Variants in AFG2A observed in about 807,000 individuals in gnomAD.
AFG2A encodes the protein ATPase family gene 2 protein homolog A.
At chr4:123,304,037 C>T in the AFG2A span, among the ~76,000 whole-genome samples, 1 of 151,986 alleles carries the variant, frequency 6.6e-6, no homozygotes, top group Non-Finnish European at 1.5e-5. Context: ...CTACTCTACT[C>T]ACCGCTTAAA....
the AFG2A span, among the ~76,000 whole-genome samples, chr4:123,251,790 AG>A: frequency 6.6e-6 from 1 of 152,128 alleles, no homozygotes; most frequent in Admixed American, 6.6e-5. Flanking sequence ...ATACATTTTA[AG>A]GTGTACAGAA....
At chr4:122,979,270 A>T in the AFG2A span, 1 of 1,614,224 alleles carries the variant, frequency 6.2e-7, no homozygotes, top group Non-Finnish European at 8.5e-7. Context: ...AAAACAGCCT[A>T]ACCTCCCTGA....
At chr4:123,056,161 T>C in the AFG2A span, among the ~76,000 whole-genome samples, 4 of 152,228 alleles carry the variant, frequency 2.6e-5, no homozygotes, top group Non-Finnish European at 5.9e-5. Context: ...TAAAATATTA[T>C]GATTAGTCAC....
At chr4:123,005,334 A>AG in the AFG2A span, among the ~76,000 whole-genome samples, 1 of 152,018 alleles carries the variant, frequency 6.6e-6, no homozygotes, top group Admixed American at 6.6e-5. Context: ...TATTTTTAGT[A>AG]GGGAAGGGTT....
the AFG2A span, chr4:123,090,472 A>G: frequency 5.0e-5 from 64 of 1,278,084 alleles, no homozygotes; most frequent in East Asian, 2.3e-4. Flanking sequence ...ATATTTGAAA[A>G]TAGACATGAT....
chr4:123,096,559 A>C, the AFG2A span, among the ~76,000 whole-genome samples: 2 of 152,060 alleles, frequency 1.3e-5, no homozygotes, highest in Admixed American at 6.6e-5. Context: ...GCATGCCTCA[A>C]AATAGTTTTA....
chr4:123,255,472 G>T, the AFG2A span, among the ~76,000 whole-genome samples: 220 of 149,946 alleles, frequency 1.5e-3, no homozygotes, highest in Middle Eastern at 0.014. Context: ...TCCAGCCTGG[G>T]TGGCAGAGTG....
chr4:122,932,629 A>G, the AFG2A span, among the ~76,000 whole-genome samples: 1 of 152,162 alleles, frequency 6.6e-6, no homozygotes, highest in African/African-American at 2.4e-5. Flanking sequence ...TCATGTTCTG[A>G]GAACTCCTCA....
the AFG2A span, among the ~76,000 whole-genome samples, chr4:122,943,744 A>G: frequency 6.6e-6 from 1 of 152,088 alleles, no homozygotes; most frequent in South Asian, 2.1e-4. Flanking sequence ...TGGTCTTTAC[A>G]TTTTGGCATG....
the AFG2A span, among the ~76,000 whole-genome samples, chr4:122,969,790 C>G: frequency 1.3e-5 from 2 of 152,114 alleles, no homozygotes; most frequent in Admixed American, 1.3e-4. Flanking sequence ...AAAAGTCTTG[C>G]ATACTGTTAA....
chr4:123,238,841 G>A, the AFG2A span, among the ~76,000 whole-genome samples: 2 of 152,130 alleles, frequency 1.3e-5, no homozygotes, highest in Admixed American at 6.5e-5. Context: ...TGACTTTGAC[G>A]AGCTGACAGA....
the AFG2A span, among the ~76,000 whole-genome samples, chr4:123,055,426 T>G: frequency 6.6e-6 from 1 of 152,180 alleles, no homozygotes; most frequent in Non-Finnish European, 1.5e-5. Flanking sequence ...ATCATAGTAC[T>G]TGTCATACAG....
chr4:123,094,828 G>A, the AFG2A span, among the ~76,000 whole-genome samples: 8 of 151,420 alleles, frequency 5.3e-5, no homozygotes, highest in Admixed American at 4.6e-4. Context: ...GTCACAGCCA[G>A]CTTAATCACA....
chr4:123,025,532 T>C, the AFG2A span, among the ~76,000 whole-genome samples: 1 of 145,962 alleles, frequency 6.9e-6, no homozygotes. Context: ...GTCTTGTTTG[T>C]GAAAGTGACT....
At chr4:123,122,963 T>G in the AFG2A span, among the ~76,000 whole-genome samples, 3 of 152,108 alleles carry the variant, frequency 2.0e-5, no homozygotes, top group Admixed American at 1.3e-4. Flanking sequence ...CTTTTAACTT[T>G]GTATTTTTGC....
the AFG2A span, among the ~76,000 whole-genome samples, chr4:123,283,963 A>T: frequency 6.6e-6 from 1 of 151,960 alleles, no homozygotes; most frequent in Non-Finnish European, 1.5e-5. Context: ...TCTTCCTATC[A>T]TCTCTTTCTC....
At chr4:123,275,236 C>T in the AFG2A span, among the ~76,000 whole-genome samples, 1 of 152,060 alleles carries the variant, frequency 6.6e-6, no homozygotes, top group Non-Finnish European at 1.5e-5. Context: ...ATTTTGGGGG[C>T]CTGCAGAAAC....
chr4:123,203,744 TTTCTTTAG>T, the AFG2A span, among the ~76,000 whole-genome samples: 1 of 152,384 alleles, frequency 6.6e-6, no homozygotes, highest in South Asian at 2.1e-4. Context: ...TAAGTTTTCA[TTTCTTTAG>T]AATAAAGAGT....
chr4:123,179,576 C>A, the AFG2A span, among the ~76,000 whole-genome samples: 1 of 152,152 alleles, frequency 6.6e-6, no homozygotes, highest in Non-Finnish European at 1.5e-5. Flanking sequence ...GTTGCCCAGG[C>A]TGGTCTGGAA....
Sources: gnomAD v4.1 joint callset for allele counts (sites outside exome capture counted in the v4.1 genomes callset) on GRCh38, gnomAD v4.1.1 for gene constraint, MANE v1.5 for transcripts, NCBI Gene and HGNC (gene_info 2026-07-23, HGNC 2026-07-21) for gene names.